Variants in CACNA2D3 observed in about 807,000 individuals in gnomAD.
CACNA2D3 encodes voltage-dependent calcium channel subunit alpha-2/delta-3.
A neutral mutation model predicts 160.6 loss-of-function variants in CACNA2D3; 60 were observed. The observed-to-expected ratio is 0.37, with a 90% confidence interval of 0.30 to 0.46. The LOEUF is 0.46. Among genes scored for constraint, CACNA2D3 ranks in the 20% least tolerant of loss-of-function variants. The probability of loss-of-function intolerance (pLI) is 1.00; values close to 1 mark genes in which losing one functional copy is unlikely to be tolerated. For synonymous variants in CACNA2D3, 558 were observed against 492.9 expected, an observed-to-expected ratio of 1.13 and a Z score of -1.75; for missense variants, 1,205 against 1,365.0, an observed-to-expected ratio of 0.88 and a Z score of 1.85.
At chr3:54,424,425 T>G (rs1203644753) in intron 4 of CACNA2D3, among the ~76,000 whole-genome samples, 1 of 152,226 alleles carries the variant, frequency 6.6e-6, no homozygotes, top group Non-Finnish European at 1.5e-5. Flanking sequence ...CAGAATCTGT[T>G]GGTGTTTTTG....
chr3:54,966,952 A>C (rs1335937056), intron 27 of CACNA2D3: 1 of 152,234 alleles, frequency 6.6e-6, no homozygotes, highest in Non-Finnish European at 1.5e-5. Context: ...TGTACTCAGC[A>C]TCTTGCTGGA....
In CACNA2D3 at chr3:54,895,985, G is replaced by A. The variant is rs146502862; in HGVS notation, c.2247-764G>A. Among the ~76,000 whole-genome samples, 264 of 152,304 alleles carry A rather than the reference G, an allele frequency of 1.7e-3. 2 individuals are homozygous for A. Among genetic ancestry groups the A allele is most frequent in the South Asian group, 0.012 (57 of 4,826 alleles). On this transcript the variant is annotated intron_variant, in intron 25 of 37. Coordinates refer to ENST00000474759, the MANE Select transcript of CACNA2D3 (RefSeq NM_018398.3). Reference sequence around the variant, plus strand: ...GTGCAGGCCAAAAAATAAATAAAAGGCTATATGAAAGTTACCAAGATTGTG... The same window carrying A: ...GTGCAGGCCAAAAAATAAATAAAAGACTATATGAAAGTTACCAAGATTGTG...
intron 13 of CACNA2D3, among the ~76,000 whole-genome samples, chr3:54,788,129 G>T (rs1057033448): frequency 6.6e-6 from 1 of 152,118 alleles, no homozygotes; most frequent in African/African-American, 2.4e-5. Flanking sequence ...GCTGTATTCT[G>T]TGACTTCATA....
intron 27 of CACNA2D3, among the ~76,000 whole-genome samples, chr3:54,935,949 A>T (rs755474035): frequency 2.6e-5 from 4 of 152,200 alleles, no homozygotes; most frequent in Non-Finnish European, 5.9e-5. Flanking sequence ...TGTGAGTCCA[A>T]TCATTTCATT....
intron 17 of CACNA2D3, among the ~76,000 whole-genome samples, chr3:54,853,786 A>C (rs78536652): frequency 0.011 from 1,643 of 152,234 alleles, 34 homozygotes; most frequent in African/African-American, 0.037. Context: ...GATACTCTAC[A>C]GTCTCCCCAG....
chr3:54,375,406 G>A (rs1354157340), intron 3 of CACNA2D3, among the ~76,000 whole-genome samples: 7 of 152,120 alleles, frequency 4.6e-5, no homozygotes, highest in Non-Finnish European at 1.0e-4. Context: ...TATTCTCAGT[G>A]CTGCTTTGAG....
chr3:54,232,947 C>T (rs1257447068), intron 2 of CACNA2D3, among the ~76,000 whole-genome samples: 1 of 152,202 alleles, frequency 6.6e-6, no homozygotes, highest in African/African-American at 2.4e-5. Context: ...CCCATCTCTA[C>T]TCCCAAGGAG....
At chr3:54,411,409 CCA>C (rs780559950) in intron 4 of CACNA2D3, among the ~76,000 whole-genome samples, 2 of 152,226 alleles carry the variant, frequency 1.3e-5, no homozygotes, top group Non-Finnish European at 2.9e-5. Context: ...TAAGAAATTG[CCA>C]CAGTCACTCC....
At chr3:54,512,546 T>C (rs561335166) in intron 5 of CACNA2D3, among the ~76,000 whole-genome samples, 1 of 152,296 alleles carries the variant, frequency 6.6e-6, no homozygotes, top group Admixed American at 6.5e-5. Flanking sequence ...TTGGAAACCC[T>C]TTTTTCACTG....
intron 34 of CACNA2D3, 61 bp downstream of exon 34, chr3:55,009,504 AC>A: frequency 7.0e-7 from 1 of 1,429,756 alleles, no homozygotes; most frequent in East Asian, 2.3e-5. Context: ...TTCACTGGCT[AC>A]TTTTCATCAG....
intron 14 of CACNA2D3, among the ~76,000 whole-genome samples, chr3:54,826,397 T>C (rs923674052): frequency 2.6e-5 from 4 of 152,220 alleles, no homozygotes; most frequent in Non-Finnish European, 5.9e-5. Flanking sequence ...AAATGTTAGA[T>C]GTTTATCCCT....
At position 54,760,989 on chromosome 3, in the gene CACNA2D3, C is replaced by A. The variant is rs934256730; in HGVS notation, c.1247-3229C>A. On this transcript the variant is annotated intron_variant, in intron 12 of 37. Transcript: ENST00000474759. ...GTCAGCTTTCTGTAATCTTTCAGAA[C>A]CTTGGCTATGATAAGCAAGGACAAG... 2.3e-4 allele frequency among the ~76,000 whole-genome samples: 35 copies of A among 152,080 alleles called. 1 individual carries two copies. Among genetic ancestry groups the A allele is most frequent in the Non-Finnish European group, 1.3e-4 (9 of 68,026 alleles).
At position 55,073,475 on chromosome 3, in the gene CACNA2D3, C is replaced by T; in HGVS notation, c.3018C>T (p.Ser1006=). 3 of 1,613,946 alleles carry T rather than the reference C, an allele frequency of 1.9e-6. No homozygotes were observed. Among genetic ancestry groups the T allele is most frequent in the Non-Finnish European group, 2.5e-6 (3 of 1,179,850 alleles). ...TTGTCATCCAGCAAATCCCAAGCAG[C>T]AACCTGTTCATGGTGGTGGTGGACA... The part of the protein sequence containing the change: ...KSFVIQQIPS[S]NLFMVVVDSS... Residue 1006 remains serine, a synonymous_variant, in exon 36 of 38, where the codon AGC becomes AGT. Coordinates refer to ENST00000474759, the MANE Select transcript of CACNA2D3 (RefSeq NM_018398.3).
intron 13 of CACNA2D3, among the ~76,000 whole-genome samples, chr3:54,795,880 A>C (rs1702856967): frequency 6.6e-6 from 1 of 152,224 alleles, no homozygotes; most frequent in African/African-American, 2.4e-5. Flanking sequence ...ACGGCAGGAA[A>C]AATTCCACTG....
At chr3:54,855,737 T>C (rs2106791071) in intron 17 of CACNA2D3, among the ~76,000 whole-genome samples, 1 of 152,292 alleles carries the variant, frequency 6.6e-6, no homozygotes, top group Non-Finnish European at 1.5e-5. Flanking sequence ...AATTTCCATA[T>C]TCCCTTCCAA....
chr3:54,665,493 A>G (rs1444540658), intron 11 of CACNA2D3, among the ~76,000 whole-genome samples: 1 of 152,012 alleles, frequency 6.6e-6, no homozygotes, highest in East Asian at 1.9e-4. Context: ...GTTATTTTAT[A>G]GTGTACTTAT....
At chr3:54,364,580 TA>T (rs956334382) in intron 3 of CACNA2D3, among the ~76,000 whole-genome samples, 3 of 152,162 alleles carry the variant, frequency 2.0e-5, no homozygotes, top group Non-Finnish European at 4.4e-5. Context: ...TCCTTCAGCC[TA>T]AAAAAATTGT....
rs182260057 is a variant in CACNA2D3, at chr3:54,858,615, A to G, written c.1626+12148A>G. 3.1e-3 allele frequency among the ~76,000 whole-genome samples: 477 copies of G among 152,270 alleles called. 2 individuals are homozygous for G. The highest frequency in any genetic ancestry group is 0.011 in the African/African-American group (448 of 41,566). ...TGTTCCTCCTTAAAATAGGAAACAG[A>G]GCCATCTGCCTCTAAGAGGAGACTC... On this transcript the variant is annotated intron_variant, in intron 17 of 37. Coordinates refer to ENST00000474759, the MANE Select transcript of CACNA2D3 (RefSeq NM_018398.3).
intron 11 of CACNA2D3, among the ~76,000 whole-genome samples, chr3:54,682,288 T>A (rs908986173): frequency 2.0e-5 from 3 of 152,156 alleles, no homozygotes; most frequent in Non-Finnish European, 4.4e-5. Context: ...TTAAAGTTCT[T>A]CTTTATGTTG....
Sources: gnomAD v4.1 joint callset for allele counts (sites outside exome capture counted in the v4.1 genomes callset) on GRCh38, gnomAD v4.1.1 for gene constraint, MANE v1.5 for transcripts, NCBI Gene and HGNC (gene_info 2026-07-23, HGNC 2026-07-21) for gene names.